ROBO1: variants seen among roughly 807,000 people sequenced by gnomAD.
The protein encoded by ROBO1 is roundabout guidance receptor 1.
A neutral mutation model predicts 195.9 loss-of-function variants in ROBO1; 149 were observed. That is an observed-to-expected ratio of 0.76 (90% CI 0.67 to 0.87). The LOEUF is 0.87. ROBO1 is among the 40% of genes least tolerant of loss of function. ROBO1 has a pLI of 0.00. For missense variants in ROBO1, 1,933 were observed against 2,068.3 expected, an observed-to-expected ratio of 0.93 and a Z score of 1.27; for synonymous variants, 816 against 733.2, an observed-to-expected ratio of 1.11 and a Z score of -1.82.
rs529747428 is a variant in ROBO1, at chr3:79,472,212, T to C, written c.88+117612A>G. On this transcript the variant is annotated intron_variant, in intron 2 of 30. Coordinates refer to ENST00000464233, the MANE Select transcript of ROBO1 (RefSeq NM_002941.4). ...TTAATCAGAAATGGCCTGAATGATA[T>C]GGATTTCTCTCCCTCCAACTTCATG... Among the ~76,000 whole-genome samples the C allele has an allele frequency of 2.0e-5, 3 of 152,234 alleles. No individual in the cohort carries two copies. The East Asian group carries it at 5.8e-4, about 29-fold the overall frequency.
chr3:79,703,314 TTTAA>T (rs1384498137), intron 1 of ROBO1, among the ~76,000 whole-genome samples: 3 of 151,810 alleles, frequency 2.0e-5, no homozygotes, highest in South Asian at 2.1e-4. Flanking sequence ...AATTAATCTA[TTTAA>T]TTAAGAAGAA....
At chr3:78,901,188 G>A (rs376527435) in intron 4 of ROBO1, among the ~76,000 whole-genome samples, 13 of 152,234 alleles carry the variant, frequency 8.5e-5, no homozygotes, top group East Asian at 1.9e-4. Flanking sequence ...AATATAATGC[G>A]TAGGGAAATA....
At chr3:79,169,464 A>C (rs1407436416) in intron 2 of ROBO1, among the ~76,000 whole-genome samples, 2 of 152,150 alleles carry the variant, frequency 1.3e-5, no homozygotes, top group Admixed American at 6.6e-5. Context: ...ACACACACAC[A>C]CACGTTTCTT....
At chr3:78,746,338 G>GA (rs931967247) in intron 5 of ROBO1, among the ~76,000 whole-genome samples, 1 of 151,878 alleles carries the variant, frequency 6.6e-6, no homozygotes, top group Admixed American at 6.6e-5. Flanking sequence ...TTAAAAATGA[G>GA]AAAAAAACAT....
chr3:79,613,195 A>T (rs945028087), intron 1 of ROBO1, among the ~76,000 whole-genome samples: 2 of 152,040 alleles, frequency 1.3e-5, no homozygotes, highest in African/African-American at 4.8e-5. Context: ...TCATTTAGCT[A>T]CACTGCTTTA....
chr3:79,404,194 A>G (rs964974114), intron 2 of ROBO1, among the ~76,000 whole-genome samples: 2 of 152,052 alleles, frequency 1.3e-5, no homozygotes, highest in African/African-American at 4.8e-5. Flanking sequence ...TGGTTCCCAG[A>G]TTTGAAGCTA....
intron 4 of ROBO1, among the ~76,000 whole-genome samples, chr3:78,851,864 T>C (rs1472446155): frequency 6.6e-6 from 1 of 152,102 alleles, no homozygotes; most frequent in African/African-American, 2.4e-5. Flanking sequence ...ATTCTCTTCA[T>C]TTAATCCAAA....
At chr3:79,328,176 A>G (rs1254667165) in intron 2 of ROBO1, among the ~76,000 whole-genome samples, 2 of 152,182 alleles carry the variant, frequency 1.3e-5, no homozygotes, top group African/African-American at 4.8e-5. Context: ...ATCATTATAA[A>G]CTATTTCAAT....
chr3:78,906,206 T>A (rs2037902592), intron 4 of ROBO1, among the ~76,000 whole-genome samples: 1 of 152,110 alleles, frequency 6.6e-6, no homozygotes, highest in Non-Finnish European at 1.5e-5. Context: ...CAGCTTCTAA[T>A]TCACACGGAA....
intron 2 of ROBO1, among the ~76,000 whole-genome samples, chr3:79,183,933 A>AT (rs2081391486): frequency 6.6e-6 from 1 of 152,216 alleles, no homozygotes. Context: ...AAATACATGC[A>AT]TTTTTGTTAT....
intron 3 of ROBO1, among the ~76,000 whole-genome samples, chr3:78,956,614 T>C (rs974926799): frequency 2.0e-5 from 3 of 152,164 alleles, no homozygotes; most frequent in African/African-American, 4.8e-5. Flanking sequence ...TCAATAATAA[T>C]GGAAGAAGAA....
At chr3:79,166,572 T>TA (rs2081069582) in intron 2 of ROBO1, among the ~76,000 whole-genome samples, 1 of 148,506 alleles carries the variant, frequency 6.7e-6, no homozygotes, top group Admixed American at 6.7e-5. Flanking sequence ...TTTTTTTTTT[T>TA]TTTTTATTTT....
chr3:79,288,918 A>G (rs1427800313), intron 2 of ROBO1, among the ~76,000 whole-genome samples: 2 of 152,110 alleles, frequency 1.3e-5, no homozygotes, highest in Non-Finnish European at 2.9e-5. Flanking sequence ...AAAATAATTT[A>G]GCGGTCTTTT....
intron 3 of ROBO1, among the ~76,000 whole-genome samples, chr3:78,974,561 T>C (rs1311291473): frequency 6.6e-6 from 1 of 152,172 alleles, no homozygotes. Flanking sequence ...TACTTGATCC[T>C]GGTTACTGCA....
At chr3:79,575,670 A>T (rs1943462020) in intron 2 of ROBO1, among the ~76,000 whole-genome samples, 1 of 150,320 alleles carries the variant, frequency 6.7e-6, no homozygotes, top group African/African-American at 2.4e-5. Context: ...CAAGATGCCT[A>T]AAGGAAAAAA....
intron 1 of ROBO1, among the ~76,000 whole-genome samples, chr3:79,662,350 G>A (rs1946353551): frequency 6.6e-6 from 1 of 151,970 alleles, no homozygotes; most frequent in Non-Finnish European, 1.5e-5. Flanking sequence ...TAGATATTTT[G>A]ACTATCTTTA....
chr3:79,712,219 A>G (rs1179398104), intron 1 of ROBO1, among the ~76,000 whole-genome samples: 2 of 152,310 alleles, frequency 1.3e-5, no homozygotes, highest in African/African-American at 4.8e-5. Context: ...AAGCTGAGAT[A>G]GGCTGAAAGC....
chr3:79,750,003 CACAG>C (rs1304727841), intron 1 of ROBO1, among the ~76,000 whole-genome samples: 1 of 152,200 alleles, frequency 6.6e-6, no homozygotes, highest in Non-Finnish European at 1.5e-5. Flanking sequence ...CTGGAAAAGC[CACAG>C]ACACTCAAGT....
rs558956464 is a variant in ROBO1 at position 79,301,260 on chromosome 3, C to T, written c.89-175721G>A. Among the ~76,000 whole-genome samples the T allele has an allele frequency of 2.0e-5, 3 of 152,274 alleles. No homozygotes were observed. In the South Asian group the frequency reaches 6.2e-4, roughly 32 times the overall value. On this transcript the variant is annotated intron_variant, in intron 2 of 30. Coordinates refer to ENST00000464233, the MANE Select transcript of ROBO1 (RefSeq NM_002941.4). ...TCCGAACATCAGAAAGAACAAACTC[C>T]AGAGCGCCACCTTAAGAGCTGACCG...
Sources: gnomAD v4.1 joint callset for allele counts (sites outside exome capture counted in the v4.1 genomes callset) on GRCh38, gnomAD v4.1.1 for gene constraint, MANE v1.5 for transcripts, NCBI Gene and HGNC (gene_info 2026-07-23, HGNC 2026-07-21) for gene names.